The following XRCC2 variants were observed in gnomAD, a reference collection of about 807,000 sequenced individuals.
XRCC2 encodes the protein DNA repair protein XRCC2.
A neutral mutation model predicts 27.3 loss-of-function variants in XRCC2; 24 were observed. That is an observed-to-expected ratio of 0.88 (90% confidence interval 0.64 to 1.24). The LOEUF (loss-of-function observed/expected upper bound fraction) is 1.24. XRCC2 is among the 50% of genes most tolerant of loss of function. The pLI, the probability that XRCC2 is intolerant of heterozygous loss-of-function variation, is 0.00. For synonymous variants in XRCC2, 106 were observed against 115.4 expected (o/e 0.92, Z 0.52); for missense variants, 321 against 325.8 (o/e 0.99, Z 0.11).
intron 1 of XRCC2, among the ~76,000 whole-genome samples, chr7:152,667,965 T>A (rs3218422): frequency 0.17 from 25,068 of 149,236 alleles, 2,455 homozygotes; most frequent in Non-Finnish European, 0.23. Context: ...AAGGTGGAGG[T>A]TGCAGTGAGC....
intron 1 of XRCC2, among the ~76,000 whole-genome samples, chr7:152,674,653 A>G (rs1305758374): frequency 1.2e-5 from 1 of 80,446 alleles, no homozygotes; most frequent in Non-Finnish European, 2.5e-5. Flanking sequence ...GTTTATATGT[A>G]TTATATACTT....
chr7:152,671,280 T>G (rs1296664042), intron 1 of XRCC2, among the ~76,000 whole-genome samples: 1 of 152,140 alleles, frequency 6.6e-6, no homozygotes, highest in Non-Finnish European at 1.5e-5. Flanking sequence ...GTAAGAATAG[T>G]ACAGTGAACC....
At chr7:152,668,972 G>A (rs1229022825) in intron 1 of XRCC2, among the ~76,000 whole-genome samples, 1 of 152,104 alleles carries the variant, frequency 6.6e-6, no homozygotes, top group Non-Finnish European at 1.5e-5. Context: ...ATTTAATCAA[G>A]ATCTCTGTGA....
In XRCC2 at chr7:152,676,043, C is replaced by T; in HGVS notation, c.37G>A (p.Glu13Lys). ...SAFHRAESGT[E>K]LLARLEGRSS... Reference sequence around the variant, plus strand: ...ACTCCCAACCCGGCGGCTCTCACCTCGGTCCCAGACTCAGCCCTATGGAAG... The same window carrying T: ...ACTCCCAACCCGGCGGCTCTCACCTTGGTCCCAGACTCAGCCCTATGGAAG... Residue 13 changes from glutamate to lysine, a missense_variant and splice_region_variant, in exon 1 of 3, where the codon GAG (glutamate) becomes AAG (lysine). By Grantham distance (56) the Glu-to-Lys change is moderately conservative. Coordinates refer to ENST00000359321, the MANE Select transcript of XRCC2 (RefSeq NM_005431.2). The T allele has an allele frequency of 6.2e-7, 1 of 1,613,810 alleles. No homozygotes were observed. Among genetic ancestry groups the T allele is most frequent in the South Asian group, 1.1e-5 (1 of 91,090 alleles).
In XRCC2 at chr7:152,649,011, G is replaced by T; in HGVS notation, c.474C>A (p.Asp158Glu). Residue 158 changes from aspartate (D) to glutamate (E), a missense_variant, in exon 3 of 3, where the codon GAC (aspartate) becomes GAA (glutamate). Physicochemically the swap from Asp to Glu is conservative, Grantham distance 45 (BLOSUM62 2). Coordinates refer to ENST00000359321, the MANE Select transcript of XRCC2 (RefSeq NM_005431.2). ...TCACACTTTCTCCTCCATTGACGCG[G>T]TCTATCCAGTAAAAAGCTGACAGGC... ...LDSLSAFYWI[D>E]RVNGGESVNL... 1 of 1,614,188 alleles carries T rather than the reference G, an allele frequency of 6.2e-7. No individual in the cohort carries two copies. Among genetic ancestry groups the T allele is most frequent in the Non-Finnish European group, 8.5e-7 (1 of 1,180,036 alleles).
intron 1 of XRCC2, among the ~76,000 whole-genome samples, chr7:152,667,804 T>C (rs1469202182): frequency 1.3e-5 from 2 of 152,084 alleles, no homozygotes; most frequent in African/African-American, 4.8e-5. Context: ...GGCAGGTGGA[T>C]CACCTGAGGT....
chr7:152,662,603 C>T (rs1309921881), intron 1 of XRCC2, among the ~76,000 whole-genome samples: 4 of 118,200 alleles, frequency 3.4e-5, no homozygotes, highest in African/African-American at 1.4e-4. Flanking sequence ...GACGGAGTCT[C>T]GCTCTGTCGC....
chr7:152,655,778 A>C (rs2098030464), intron 2 of XRCC2, among the ~76,000 whole-genome samples: 1 of 152,124 alleles, frequency 6.6e-6, no homozygotes, highest in Non-Finnish European at 1.5e-5. Context: ...TGGGAGGCTG[A>C]CACAGGTGGA....
At chr7:152,672,673 T>G (rs1226207202) in intron 1 of XRCC2, among the ~76,000 whole-genome samples, 1 of 152,194 alleles carries the variant, frequency 6.6e-6, no homozygotes, top group East Asian at 1.9e-4. Flanking sequence ...TGTGCAGATA[T>G]TCACAGGGCT....
chr7:152,658,516 C>A (rs1333583771), intron 2 of XRCC2, among the ~76,000 whole-genome samples: 1 of 152,206 alleles, frequency 6.6e-6, no homozygotes, highest in African/African-American at 2.4e-5. Context: ...TGCTGCAAAG[C>A]AATGAAGCAG....
intron 2 of XRCC2, among the ~76,000 whole-genome samples, chr7:152,655,828 T>C (rs2098030483): frequency 6.6e-6 from 1 of 151,948 alleles, no homozygotes; most frequent in African/African-American, 2.4e-5. Flanking sequence ...CTGGCCAACA[T>C]GTTGGAACCC....
chr7:152,659,276 A>G (rs1339711677), intron 2 of XRCC2, among the ~76,000 whole-genome samples: 2 of 152,218 alleles, frequency 1.3e-5, no homozygotes, highest in East Asian at 3.8e-4. Flanking sequence ...GAAGCCCCAA[A>G]ATACAAAAGC....
intron 1 of XRCC2, among the ~76,000 whole-genome samples, chr7:152,674,451 A>C (rs2098039455): frequency 6.6e-6 from 1 of 151,760 alleles, no homozygotes; most frequent in Non-Finnish European, 1.5e-5. Context: ...GTCTCTACTA[A>C]AAATACAAAA....
At chr7:152,675,931 G>C in intron 1 of XRCC2, 110 bp downstream of exon 1, 1 of 1,470,002 alleles carries the variant, frequency 6.8e-7, no homozygotes, top group Non-Finnish European at 9.4e-7. Context: ...GTCCCAGCCC[G>C]GCCAGGCCGC....
intron 2 of XRCC2, among the ~76,000 whole-genome samples, chr7:152,653,049 G>A (rs2098029197): frequency 6.6e-6 from 1 of 152,150 alleles, no homozygotes; most frequent in Non-Finnish European, 1.5e-5. Context: ...GTTAGGCTGT[G>A]TCCCCACCCA....
chr7:152,661,143 T>A (rs1229758188), intron 1 of XRCC2, among the ~76,000 whole-genome samples: 2 of 151,868 alleles, frequency 1.3e-5, no homozygotes, highest in African/African-American at 2.4e-5. Context: ...TCAAAAAAAA[T>A]TTTTTTCATA....
intron 1 of XRCC2, 78 bp from the exon 2 acceptor site, chr7:152,660,860 G>T: frequency 7.8e-7 from 1 of 1,275,316 alleles, no homozygotes; most frequent in East Asian, 2.4e-5. Flanking sequence ...ACCATTTTCC[G>T]AAAGTCTGTA....
intron 1 of XRCC2, among the ~76,000 whole-genome samples, chr7:152,673,604 A>C (rs1460009813): frequency 6.6e-6 from 1 of 152,190 alleles, no homozygotes; most frequent in Non-Finnish European, 1.5e-5. Flanking sequence ...GTGGTGGCTC[A>C]TGCCTGTAAT....
At position 152,648,435 on chromosome 7, in the gene XRCC2, T is replaced by A; in HGVS notation, c.*207A>T. The A allele has an allele frequency of 5.0e-6, 2 of 396,152 alleles. No individual in the cohort carries two copies. Among genetic ancestry groups the A allele is most frequent in the South Asian group, 8.8e-5 (1 of 11,362 alleles). 24.5% of individuals were successfully genotyped at this position (396,152 alleles called of 1,614,324 possible). A position where few individuals can be genotyped will look rare whatever the true frequency, so the allele number is the denominator to read the frequency against. On this transcript the variant is annotated 3_prime_UTR_variant, in exon 3 of 3. Transcript: ENST00000359321. ...AAAGAAAAAAAAAAAAAAAGAAAAC[T>A]TTTGGCCACGAGCAGTGGCTCACGC...
Sources: gnomAD v4.1 joint callset for allele counts (sites outside exome capture counted in the v4.1 genomes callset) on GRCh38, gnomAD v4.1.1 for gene constraint, MANE v1.5 for transcripts, NCBI Gene and HGNC (gene_info 2026-07-23, HGNC 2026-07-21) for gene names.